The following ADIPOR2 variants were observed in gnomAD, a reference collection of about 807,000 sequenced individuals.
The protein encoded by ADIPOR2 is adiponectin receptor 2.
In ADIPOR2, 18 loss-of-function variants were observed where a neutral mutation model predicts 40.9. The observed-to-expected ratio is 0.44, with a 90% CI of 0.30 to 0.65. The LOEUF (loss-of-function observed/expected upper bound fraction) is 0.65, where lower values mean the gene tolerates loss of function less well. Among genes scored for constraint, ADIPOR2 ranks in the 30% least tolerant of loss-of-function variants. ADIPOR2 has a pLI of 0.09. For missense variants in ADIPOR2, 283 were observed against 479.2 expected (o/e 0.59, Z 3.82); for synonymous variants, 165 against 166.4 (o/e 0.99, Z 0.06).
chr12:1,742,453 G>A (rs1375459659), intron 1 of ADIPOR2, among the ~76,000 whole-genome samples: 1 of 152,190 alleles, frequency 6.6e-6, no homozygotes, highest in East Asian at 1.9e-4. Flanking sequence ...CATAAGGCAG[G>A]TAACCACTAG....
intron 1 of ADIPOR2, among the ~76,000 whole-genome samples, chr12:1,692,763 C>T (rs751159556): frequency 3.3e-5 from 5 of 150,966 alleles, no homozygotes; most frequent in Non-Finnish European, 5.9e-5. Context: ...ATTTTGTTTC[C>T]TAAAATGAAA....
At chr12:1,725,184 C>T (rs1036415030) in intron 1 of ADIPOR2, among the ~76,000 whole-genome samples, 7 of 151,314 alleles carry the variant, frequency 4.6e-5, no homozygotes, top group African/African-American at 9.7e-5. Flanking sequence ...TGCAATGGCG[C>T]GATCTTGGCT....
rs139174165 is a variant in ADIPOR2, at chr12:1,725,822, T to G, written c.-86-28436T>G. 1.6e-4 allele frequency among the ~76,000 whole-genome samples: 24 copies of G among 152,328 alleles called. No individual in the cohort carries two copies. The East Asian group carries it at 4.4e-3, about 28-fold the overall frequency. On this transcript the variant is annotated intron_variant, in intron 1 of 7. Transcript: ENST00000357103. ...AATCTGTCTTGGTGAGAAGTTCAAT[T>G]TATGAAGATACAGTAGAAATGATTT...
intron 2 of ADIPOR2, among the ~76,000 whole-genome samples, chr12:1,755,576 G>A (rs778997127): frequency 2.6e-5 from 4 of 152,220 alleles, no homozygotes; most frequent in Non-Finnish European, 4.4e-5. Context: ...AGTCAGTAGA[G>A]TTCTGAAAGC....
At chr12:1,748,417 T>A (rs2094761286) in intron 1 of ADIPOR2, among the ~76,000 whole-genome samples, 1 of 151,880 alleles carries the variant, frequency 6.6e-6, no homozygotes, top group South Asian at 2.1e-4. Flanking sequence ...CCTGGCTAAT[T>A]TTTTATATTT....
At chr12:1,714,284 C>G (rs902451806) in intron 1 of ADIPOR2, among the ~76,000 whole-genome samples, 2 of 152,112 alleles carry the variant, frequency 1.3e-5, no homozygotes, top group Non-Finnish European at 2.9e-5. Context: ...TCTTATCTCA[C>G]TTTTCCTTTT....
chr12:1,772,017 C>A (rs1277329217), intron 2 of ADIPOR2, among the ~76,000 whole-genome samples: 2 of 152,218 alleles, frequency 1.3e-5, no homozygotes, highest in Non-Finnish European at 2.9e-5. Context: ...GTGGAGCTGG[C>A]CTCACCACTT....
intron 1 of ADIPOR2, among the ~76,000 whole-genome samples, chr12:1,699,360 G>A (rs1035289158): frequency 6.6e-6 from 1 of 152,216 alleles, no homozygotes. Flanking sequence ...GCTCAGGCCT[G>A]TAATCCCAGC....
intron 1 of ADIPOR2, among the ~76,000 whole-genome samples, chr12:1,694,630 T>C (rs964077787): frequency 5.9e-5 from 9 of 152,184 alleles, no homozygotes; most frequent in African/African-American, 2.2e-4. Context: ...TAAGAGCCCA[T>C]GGATATGGAG....
At chr12:1,694,799 T>A (rs972450577) in intron 1 of ADIPOR2, among the ~76,000 whole-genome samples, 9 of 152,158 alleles carry the variant, frequency 5.9e-5, no homozygotes, top group African/African-American at 2.2e-4. Context: ...ATATTCAGAA[T>A]TTAAAAATTA....
At chr12:1,779,911 T>A (rs1393950527) in intron 4 of ADIPOR2, among the ~76,000 whole-genome samples, 1 of 152,208 alleles carries the variant, frequency 6.6e-6, no homozygotes, top group Non-Finnish European at 1.5e-5. Flanking sequence ...GGAAATGGCC[T>A]GAGTAGGCAT....
At chr12:1,767,507 T>G (rs994058089) in intron 2 of ADIPOR2, among the ~76,000 whole-genome samples, 2 of 152,158 alleles carry the variant, frequency 1.3e-5, no homozygotes, top group African/African-American at 4.8e-5. Context: ...GTAGATACCT[T>G]TGTTTCCACA....
At chr12:1,711,565 A>G (rs932120332) in intron 1 of ADIPOR2, among the ~76,000 whole-genome samples, 1 of 151,582 alleles carries the variant, frequency 6.6e-6, no homozygotes, top group African/African-American at 2.4e-5. Context: ...AATAGGGTAC[A>G]CTGTTTTTTC....
chr12:1,780,968 C>T lies in ADIPOR2; in HGVS notation c.730C>T (p.Gln244Ter). Reference protein sequence around the residue: ...WLYYSFYCNPQPCFIYLIVIC... With the variant: ...WLYYSFYCNP ...TTATTATTCTTTCTACTGTAATCCA[C>T]AACCTTGCTTCATCTACTTGATTGT... is the stretch of plus-strand genomic sequence containing the variant. Residue 244 changes from glutamine to a stop codon, truncating the protein, a stop_gained, in exon 6 of 8, where the codon CAA becomes TAA. Coordinates refer to ENST00000357103, the MANE Select transcript of ADIPOR2 (RefSeq NM_024551.3). LOFTEE classifies it high-confidence loss of function. 1 of 1,613,818 alleles carries T rather than the reference C, an allele frequency of 6.2e-7. No homozygotes were observed. The highest frequency in any genetic ancestry group is 8.5e-7 in the Non-Finnish European group (1 of 1,179,842).
intron 1 of ADIPOR2, chr12:1,696,286 A>C (rs1477909053): frequency 6.3e-6 from 1 of 159,806 alleles, no homozygotes; most frequent in African/African-American, 2.4e-5. Flanking sequence ...TGCAGTTTCT[A>C]CTTGTCAACA....
rs370926188 is a variant in ADIPOR2, at chr12:1,694,469, C to T, written c.-87+3278C>T. 4.6e-5 allele frequency among the ~76,000 whole-genome samples: 7 copies of T among 152,234 alleles called. No homozygotes were observed. The East Asian group carries it at 1.3e-3, about 29-fold the overall frequency. Reference sequence around the variant, plus strand: ...AATACTTTATATCATTTCTAGATTACTTATAATACCTAATAGAATATAAAT... The same window carrying T: ...AATACTTTATATCATTTCTAGATTATTTATAATACCTAATAGAATATAAAT... On this transcript the variant is annotated intron_variant, in intron 1 of 7. Coordinates refer to ENST00000357103, the MANE Select transcript of ADIPOR2 (RefSeq NM_024551.3).
At chr12:1,700,794 A>G (rs2094648533) in intron 1 of ADIPOR2, among the ~76,000 whole-genome samples, 1 of 27,640 alleles carries the variant, frequency 3.6e-5, no homozygotes, top group Admixed American at 6.0e-4. Context: ...GTGGCCCTAG[A>G]TTTAAAAAAA....
At chr12:1,728,485 G>A (rs2094712559) in intron 1 of ADIPOR2, among the ~76,000 whole-genome samples, 2 of 151,930 alleles carry the variant, frequency 1.3e-5, no homozygotes, top group South Asian at 4.2e-4. Flanking sequence ...CACTTTGAGA[G>A]GCCGAGGTGG....
chr12:1,744,227 C>T (rs149672642), intron 1 of ADIPOR2, among the ~76,000 whole-genome samples: 2,290 of 152,024 alleles, frequency 0.015, 24 homozygotes, highest in Middle Eastern at 0.054. Context: ...CTGTCAGCCT[C>T]CCGAGTAGCT....
Sources: gnomAD v4.1 joint callset for allele counts (sites outside exome capture counted in the v4.1 genomes callset) on GRCh38, gnomAD v4.1.1 for gene constraint, MANE v1.5 for transcripts, NCBI Gene and HGNC (gene_info 2026-07-23, HGNC 2026-07-21) for gene names.